COL5A3: variants seen among roughly 807,000 people sequenced by gnomAD.
COL5A3 encodes the protein collagen type V alpha 3 chain.
COL5A3 carries 172 observed loss-of-function variants against 250.0 expected under a neutral mutation model. The observed-to-expected ratio is 0.69, with a 90% CI of 0.61 to 0.78. COL5A3 has a LOEUF of 0.78. COL5A3 is among the 30% of genes least tolerant of loss of function. The pLI, the probability that COL5A3 is intolerant of heterozygous loss-of-function variation, is 0.00. For missense variants in COL5A3, 2,340 were observed against 2,334.4 expected (o/e 1.00, Z -0.05); for synonymous variants, 937 against 900.4 (o/e 1.04, Z -0.73).
At chr19:9,974,552 G>C (rs76756849) in intron 45 of COL5A3, 144 bp from the exon 46 acceptor site, 15,020 of 585,526 alleles carry the variant, frequency 0.026, 473 homozygotes, top group East Asian at 0.1. Flanking sequence ...TTGGAGTTGG[G>C]GTCTAGGTTA....
At chr19:9,973,493 G>T in intron 50 of COL5A3, 77 bp downstream of exon 50, 1 of 1,457,860 alleles carries the variant, frequency 6.9e-7, no homozygotes, top group Non-Finnish European at 9.4e-7. Flanking sequence ...CTGTCCAGAG[G>T]TCAAAGTGGC....
At chr19:9,969,253 AG>A in intron 57 of COL5A3, 95 bp downstream of exon 57, 1 of 1,070,816 alleles carries the variant, frequency 9.3e-7, no homozygotes, top group Non-Finnish European at 1.4e-6. Context: ...ATGGATGGTC[AG>A]TGAGGGCTAG....
At chr19:9,976,892 G>T (rs551063842) in intron 44 of COL5A3, among the ~76,000 whole-genome samples, 25 of 152,006 alleles carry the variant, frequency 1.6e-4, no homozygotes. Context: ...CGGGGTGGGG[G>T]GAAGTTGGGT....
At chr19:9,963,458 A>G (rs2086698031) in intron 64 of COL5A3, among the ~76,000 whole-genome samples, 1 of 150,574 alleles carries the variant, frequency 6.6e-6, no homozygotes, top group South Asian at 2.1e-4. Flanking sequence ...TGGTGTGATC[A>G]CTGGCTCACT....
intron 35 of COL5A3, 132 bp downstream of exon 35, chr19:9,980,516 C>G: frequency 1.5e-6 from 2 of 1,332,942 alleles, no homozygotes; most frequent in Non-Finnish European, 1.0e-6. Flanking sequence ...CGTGCACCAC[C>G]ACACCCAATT....
intron 1 of COL5A3, among the ~76,000 whole-genome samples, chr19:10,006,730 A>G (rs73007130): frequency 0.023 from 3,433 of 151,602 alleles, 60 homozygotes; most frequent in South Asian, 0.061. Context: ...CCTTTTGACT[A>G]CAGCCATTTT....
At chr19:10,010,249 C>T (rs2087511006) in intron 1 of COL5A3, 49 bp downstream of exon 1, 4 of 1,212,094 alleles carry the variant, frequency 3.3e-6, no homozygotes, top group African/African-American at 3.2e-5. Context: ...TCTTTTAGAG[C>T]CTCTCTGAGT....
rs778137732 is a variant in COL5A3 at position 10,001,524 on chromosome 19, A to G, written c.1110T>C (p.Pro370=). The G allele has an allele frequency of 2.5e-6, 4 of 1,613,628 alleles. No homozygotes were observed. In the African/African-American group the frequency reaches 4.0e-5, roughly 16 times the overall value. Residue 370 remains proline (P), a splice_region_variant and synonymous_variant, in exon 8 of 67, where the codon CCT becomes CCC. Transcript: ENST00000264828. ...TAACCCCAGCCACCTAGAAACTCAC[A>G]GGAAAGATCTGGAACTGAGTCCGAG... is the stretch of plus-strand genomic sequence containing the variant. ...YPSRTQFQIF[P]GAGEKGAKGE... is the part of the protein sequence containing the mutation.
intron 21 of COL5A3, 50 bp from the exon 22 acceptor site, chr19:9,992,098 C>G (rs781444389): frequency 6.5e-7 from 1 of 1,542,812 alleles, no homozygotes; most frequent in Admixed American, 1.7e-5. Context: ...AGCTGGGAGC[C>G]TGAGTCTGAG....
intron 51 of COL5A3, 79 bp downstream of exon 51, chr19:9,972,840 A>C (rs1221932236): frequency 9.4e-6 from 11 of 1,171,308 alleles, no homozygotes; most frequent in Non-Finnish European, 1.3e-5. Flanking sequence ...ATCTCAAAAA[A>C]AAAAAAAAGT....
At chr19:9,989,293 C>T (rs762781913) in intron 26 of COL5A3, 29 bp downstream of exon 26, 30 of 1,614,078 alleles carry the variant, frequency 1.9e-5, no homozygotes, top group Non-Finnish European at 2.4e-5. Flanking sequence ...CCCTCGTCCC[C>T]AACCCAGCCT....
chr19:10,003,544 G>C (rs1489750009), intron 6 of COL5A3, 21 bp downstream of exon 6: 1 of 1,612,540 alleles, frequency 6.2e-7, no homozygotes, highest in East Asian at 2.2e-5. Context: ...AACCGGAAGT[G>C]AGAGGTCTCA....
intron 64 of COL5A3, among the ~76,000 whole-genome samples, chr19:9,963,609 T>C (rs2086701560): frequency 7.2e-6 from 1 of 139,392 alleles, no homozygotes; most frequent in East Asian, 2.2e-4. Context: ...CCCAGGCTGG[T>C]CTTGAACTCC....
rs140794273 is a variant in COL5A3, at chr19:9,976,587, G to A, written c.3313C>T (p.Arg1105Trp). The A allele has an allele frequency of 2.2e-4, 350 of 1,568,010 alleles. No homozygotes were observed. In the African/African-American group the frequency reaches 3.4e-3, roughly 15 times the overall value. ...DAGPPGQPGI[R>W]GPAGHPGPPG... is the part of the protein sequence containing the mutation. ...GGACCTGGGTGTCCTGCAGGACCCC[G>A]TATCCCTGGTTGTCCAGGTGGGCCC... is the stretch of plus-strand genomic sequence containing the variant. The change falls in exon 45 of 67, where the codon CGG becomes TGG. Residue 1105 changes from arginine to tryptophan, a missense_variant. Transcript: ENST00000264828.
rs2087266111 is a variant in COL5A3 at position 9,996,102 on chromosome 19, T to C, written c.1497A>G (p.Pro499=). The C allele has an allele frequency of 6.3e-7, 1 of 1,584,414 alleles. No homozygotes were observed. The highest frequency in any genetic ancestry group is 2.2e-5 in the East Asian group (1 of 44,614). ...RPGPVGLPGH[P]GLKGEEGAEG... The stretch of plus-strand genomic sequence containing the variant: ...CTGCTCCCTCCTCTCCTTTCAGACC[T>C]GGATGCCCGGGGAGACCCTTGGGGG... The change falls in exon 15 of 67, where the codon CCA becomes CCG. Residue 499 remains proline, a synonymous_variant. Transcript: ENST00000264828.
chr19:9,979,132 C>T lies in COL5A3; in HGVS notation c.2874G>A (p.Lys958=). 2 of 1,578,430 alleles carry T rather than the reference C, an allele frequency of 1.3e-6. No homozygotes were observed. Among genetic ancestry groups the T allele is most frequent in the South Asian group, 1.2e-5 (1 of 85,660 alleles). ...AGATCTCCAGTGGACAGTGTCTCAC[C>T]TTGGCCCCCTCTCTGCCTTCCAGGC... The part of the protein sequence containing the change: ...LPGLEGREGA[K]GELGPPGPLG... The change falls in exon 39 of 67, where the codon AAG becomes AAA. Residue 958 remains lysine (K), a splice_region_variant and synonymous_variant. Coordinates refer to ENST00000264828, the MANE Select transcript of COL5A3 (RefSeq NM_015719.4).
chr19:9,969,225 G>A, intron 57 of COL5A3, 124 bp downstream of exon 57: 1 of 804,470 alleles, frequency 1.2e-6, no homozygotes, highest in Non-Finnish European at 2.0e-6. Context: ...AGTAGAGACA[G>A]GCAGTATGGA....
rs2087325082 is a variant in COL5A3, at chr19:9,999,466, TTTC to T, written c.1111-1320_1111-1318del. On this transcript the variant is annotated intron_variant, in intron 8 of 66. Coordinates refer to ENST00000264828, the MANE Select transcript of COL5A3 (RefSeq NM_015719.4). The stretch of plus-strand genomic sequence containing the variant: ...CCTTTTTTCTTTTCTTTTTTTCTTT[TTTC>T]TTTTTTTTTTTTTTTTGAGACAGAG... Among the ~76,000 whole-genome samples the T allele has an allele frequency of 2.4e-5, 3 of 123,706 alleles. 1 individual carries two copies. The highest frequency in any genetic ancestry group is 1.2e-4 in the African/African-American group (3 of 26,080). 81.2% of individuals were successfully genotyped at this position (123,706 alleles called of 152,430 possible).
In COL5A3 at chr19:9,979,844, C is replaced by A. The variant is rs773536413; in HGVS notation, c.2707G>T (p.Glu903Ter). ...GRPGHPGQRGELGFQGQTGPP... is the reference protein window; with the variant it reads ...GRPGHPGQRG ...AAGGTTGAGGGGTTACTCACCAGTT[C>A]TCCTCTCTGTCCAGGGTGCCCTGGT... The change falls in exon 37 of 67, where the codon GAA (glutamate) becomes TAA (stop). Residue 903 changes from glutamate to a stop codon, truncating the protein, a stop_gained. Coordinates refer to ENST00000264828, the MANE Select transcript of COL5A3 (RefSeq NM_015719.4). LOFTEE classifies it high-confidence loss of function. The A allele has an allele frequency of 6.3e-7, 1 of 1,582,668 alleles. No homozygotes were observed.
Sources: allele counts gnomAD v4.1 joint callset (sites outside exome capture counted in the v4.1 genomes callset), GRCh38; gene constraint gnomAD v4.1.1; transcripts MANE v1.5; gene names NCBI Gene and HGNC (gene_info 2026-07-23, HGNC 2026-07-21).